DLEC1: variants seen among roughly 807,000 people sequenced by gnomAD.
The protein encoded by DLEC1 is DLEC1 cilia and flagella associated protein.
A neutral mutation model predicts 198.1 loss-of-function variants in DLEC1; 146 were observed. The observed-to-expected ratio is 0.74, with a 90% confidence interval of 0.64 to 0.85. The LOEUF (loss-of-function observed/expected upper bound fraction) is 0.85, where lower values mean the gene tolerates loss of function less well. Ranked by LOEUF, DLEC1 falls within the 40% of genes least tolerant of loss-of-function variation. The probability of loss-of-function intolerance (pLI) is 0.00; values close to 1 mark genes in which losing one functional copy is unlikely to be tolerated. For missense variants in DLEC1, 2,233 were observed against 2,220.0 expected (o/e 1.01, Z -0.12); for synonymous variants, 897 against 866.8 (o/e 1.03, Z -0.61).
intron 6 of DLEC1, among the ~76,000 whole-genome samples, chr3:38,074,840 T>C (rs1024029855): frequency 1.3e-5 from 2 of 151,984 alleles, no homozygotes; most frequent in Non-Finnish European, 2.9e-5. Context: ...TTTAGTGGGG[T>C]CTGATGAGAA....
chr3:38,053,060 G>T (rs987102289), intron 2 of DLEC1, among the ~76,000 whole-genome samples: 2 of 152,212 alleles, frequency 1.3e-5, no homozygotes, highest in African/African-American at 4.8e-5. Context: ...TCGAGGTGCC[G>T]GGATTGTAGA....
At chr3:38,078,724 G>T (rs1381124033) in intron 6 of DLEC1, among the ~76,000 whole-genome samples, 1 of 152,192 alleles carries the variant, frequency 6.6e-6, no homozygotes, top group Non-Finnish European at 1.5e-5. Context: ...AGGCTGGGAT[G>T]AAGGGTGCAA....
chr3:38,117,494 C>A (rs369375330), intron 31 of DLEC1, 33 bp from the exon 32 acceptor site: 44 of 1,613,828 alleles, frequency 2.7e-5, no homozygotes, highest in Non-Finnish European at 3.6e-5. Flanking sequence ...CCCAGGCGCC[C>A]GGCTTGCCCC....
At chr3:38,068,626 G>A (rs1335838864) in intron 6 of DLEC1, among the ~76,000 whole-genome samples, 1 of 152,188 alleles carries the variant, frequency 6.6e-6, no homozygotes, top group Admixed American at 6.5e-5. Flanking sequence ...AGGTGTAGTG[G>A]GCAACTAGCC....
intron 23 of DLEC1, 141 bp downstream of exon 23, chr3:38,110,422 C>A: frequency 9.3e-7 from 1 of 1,080,928 alleles, no homozygotes; most frequent in Non-Finnish European, 1.3e-6. Context: ...GACATGGGGA[C>A]AGGCAGAGAG....
At chr3:38,066,701 A>G (rs572079279) in intron 6 of DLEC1, among the ~76,000 whole-genome samples, 11 of 152,336 alleles carry the variant, frequency 7.2e-5, no homozygotes, top group Admixed American at 7.2e-4. Context: ...CAATCCCTTC[A>G]CATGCACATG....
At chr3:38,082,218 C>T (rs1260349278) in intron 6 of DLEC1, among the ~76,000 whole-genome samples, 1 of 141,130 alleles carries the variant, frequency 7.1e-6, no homozygotes, top group Non-Finnish European at 1.5e-5. Flanking sequence ...CAGAGACGCT[C>T]CTCACTTCCT....
intron 6 of DLEC1, among the ~76,000 whole-genome samples, chr3:38,077,133 T>C (rs1292387905): frequency 4.6e-5 from 7 of 152,134 alleles, no homozygotes; most frequent in African/African-American, 7.2e-5. Flanking sequence ...CCAGCAAAGA[T>C]TATTTATTTA....
At chr3:38,117,141 T>C in intron 30 of DLEC1, 41 bp downstream of exon 30, 1 of 1,613,866 alleles carries the variant, frequency 6.2e-7, no homozygotes, top group Non-Finnish European at 8.5e-7. Context: ...CAGCCACTGC[T>C]CCCTCCTGGG....
chr3:38,071,537 G>T (rs941783797), intron 6 of DLEC1, among the ~76,000 whole-genome samples: 1 of 152,220 alleles, frequency 6.6e-6, no homozygotes, highest in Admixed American at 6.5e-5. Context: ...GAGATTGATA[G>T]GTGGAAATTT....
Position 38,062,133 on chromosome 3 carries a change from G to A in DLEC1, c.674-36G>A, listed in dbSNP as rs201476620. On this transcript the variant is annotated intron_variant, in intron 3 of 36. Coordinates refer to ENST00000308059, the MANE Select transcript of DLEC1 (RefSeq NM_007335.4). ...TTAGGAATGCCCACCTCCTCACCTTGTTGCAGTGATTCAGTTTGTTTCCTT... is the reference window on the plus strand; with the variant it reads ...TTAGGAATGCCCACCTCCTCACCTTATTGCAGTGATTCAGTTTGTTTCCTT... 52 of 1,611,712 alleles carry A rather than the reference G, an allele frequency of 3.2e-5. No homozygotes were observed. In the African/African-American group the frequency reaches 6.0e-4, roughly 19 times the overall value.
At chr3:38,122,009 T>A in intron 35 of DLEC1, 62 bp from the exon 36 acceptor site, 1 of 1,595,324 alleles carries the variant, frequency 6.3e-7, no homozygotes, top group African/African-American at 1.3e-5. Context: ...GTGGGTAAAG[T>A]CTTCCTGTGG....
At chr3:38,055,705 G>A (rs145863693) in intron 2 of DLEC1, among the ~76,000 whole-genome samples, 3 of 149,738 alleles carry the variant, frequency 2.0e-5, no homozygotes, top group African/African-American at 4.9e-5. Flanking sequence ...CAGTGAAGAC[G>A]TGAGCAACGG....
intron 20 of DLEC1, 136 bp downstream of exon 20, chr3:38,107,873 C>T (rs571731815): frequency 3.0e-5 from 31 of 1,029,610 alleles, no homozygotes; most frequent in Middle Eastern, 3.2e-4. Context: ...GTCCCTTGCT[C>T]GTAGTGTGCA....
At position 38,114,383 on chromosome 3, in the gene DLEC1, A is replaced by C. The variant is rs1700041831; in HGVS notation, c.3708A>C (p.Ala1236=). 6.2e-7 allele frequency: 1 copy of C among 1,614,058 alleles called. No homozygotes were observed. The highest frequency in any genetic ancestry group is 8.5e-7 in the Non-Finnish European group (1 of 1,180,024). The change falls in exon 26 of 37, where the codon GCA becomes GCC. Residue 1236 remains alanine, a synonymous_variant. Coordinates refer to ENST00000308059, the MANE Select transcript of DLEC1 (RefSeq NM_007335.4). ...CGGAAGTCATCCCAGTGCACATGGC[A>C]GCGGTGGGCTGCCCCATCAGCTCCC... ...LLPEVIPVHM[A]AVGCPISSLR...
At position 38,123,170 on chromosome 3, in the gene DLEC1, A is replaced by G. The variant is rs751736868; in HGVS notation, c.*758A>G. The stretch of plus-strand genomic sequence containing the variant: ...GCTGGGCAAAGGCACCCACCAAATT[A>G]CCTCCAGACCAGGCTGACCCAGAAG... On this transcript the variant is annotated 3_prime_UTR_variant, in exon 37 of 37. Transcript: ENST00000308059. 6.4e-7 allele frequency: 1 copy of G among 1,572,660 alleles called. No homozygotes were observed. The highest frequency in any genetic ancestry group is 1.7e-5 in the Admixed American group (1 of 59,944).
At chr3:38,121,354 A>G (rs559346749) in intron 34 of DLEC1, among the ~76,000 whole-genome samples, 1 of 152,344 alleles carries the variant, frequency 6.6e-6, no homozygotes, top group South Asian at 2.1e-4. Context: ...AGGAGGGCAG[A>G]GCCCAACCAG....
At chr3:38,111,257 A>G (rs951638614) in intron 23 of DLEC1, among the ~76,000 whole-genome samples, 1 of 152,216 alleles carries the variant, frequency 6.6e-6, no homozygotes, top group African/African-American at 2.4e-5. Flanking sequence ...TATTGTGGAA[A>G]GCTAGTGTGT....
chr3:38,120,425 A>C, intron 33 of DLEC1, 23 bp from the exon 34 acceptor site: 1 of 1,612,672 alleles, frequency 6.2e-7, no homozygotes, highest in South Asian at 1.1e-5. Context: ...GCCGGAGTTG[A>C]CACCATGTCC....
Sources: allele counts gnomAD v4.1 joint callset (sites outside exome capture counted in the v4.1 genomes callset), GRCh38; gene constraint gnomAD v4.1.1; transcripts MANE v1.5; gene names NCBI Gene and HGNC (gene_info 2026-07-23, HGNC 2026-07-21).